Variants in AGBL4 observed in about 807,000 individuals in gnomAD.
The protein encoded by AGBL4 is cytosolic carboxypeptidase 6.
Under a neutral mutation model 66.4 loss-of-function variants are expected in AGBL4, and 58 were observed. The ratio of observed to expected loss-of-function variants is 0.87; its 90% CI spans 0.71 to 1.09. AGBL4 has a LOEUF of 1.09. Ranked by LOEUF, AGBL4 falls within the 50% of genes least tolerant of loss-of-function variation. The pLI is 0.00. For missense variants in AGBL4, 579 were observed against 631.0 expected (o/e 0.92, Z 0.88); for synonymous variants, 234 against 222.9 (o/e 1.05, Z -0.44).
chr1:49,860,126 T>C (rs1646531746), intron 1 of AGBL4, among the ~76,000 whole-genome samples: 1 of 152,174 alleles, frequency 6.6e-6, no homozygotes, highest in Non-Finnish European at 1.5e-5. Flanking sequence ...AATGTCAAAA[T>C]GTCAATTCTC....
At chr1:48,722,914 T>C (rs1278416877) in intron 6 of AGBL4, among the ~76,000 whole-genome samples, 2 of 152,204 alleles carry the variant, frequency 1.3e-5, no homozygotes, top group African/African-American at 4.8e-5. Context: ...ATGCCTAGAA[T>C]ACTTTACTCA....
At chr1:49,514,751 A>C (rs1649619359) in intron 3 of AGBL4, among the ~76,000 whole-genome samples, 2 of 152,124 alleles carry the variant, frequency 1.3e-5, no homozygotes, top group Non-Finnish European at 2.9e-5. Context: ...CAACCATCTG[A>C]TCTTTGACAA....
chr1:49,205,949 G>A (rs773453191), intron 4 of AGBL4, among the ~76,000 whole-genome samples: 1 of 152,066 alleles, frequency 6.6e-6, no homozygotes, highest in African/African-American at 2.4e-5. Context: ...TCTTTGCTCT[G>A]ATTTAGCCAT....
chr1:49,442,714 C>CTATTT (rs1302280458), intron 3 of AGBL4, among the ~76,000 whole-genome samples: 5 of 152,308 alleles, frequency 3.3e-5, no homozygotes, highest in African/African-American at 1.2e-4. Flanking sequence ...CTGCAATAAA[C>CTATTT]ATGTGAGTGT....
intron 3 of AGBL4, among the ~76,000 whole-genome samples, chr1:49,263,848 A>G (rs1205173261): frequency 6.6e-6 from 1 of 152,186 alleles, no homozygotes; most frequent in Non-Finnish European, 1.5e-5. Context: ...TCACTGTATC[A>G]GTATTCATTT....
At chr1:49,950,336 T>A (rs981684294) in intron 1 of AGBL4, among the ~76,000 whole-genome samples, 75 of 151,226 alleles carry the variant, frequency 5.0e-4, no homozygotes, top group Admixed American at 4.0e-4. Context: ...TCACTCATAA[T>A]TGGGAGCTAA....
chr1:49,475,378 A>G (rs1646826645), intron 3 of AGBL4, among the ~76,000 whole-genome samples: 1 of 151,770 alleles, frequency 6.6e-6, no homozygotes, highest in African/African-American at 2.4e-5. Context: ...TTCATCAGGG[A>G]TATTGGCCTG....
At chr1:48,820,681 C>A (rs965516734) in intron 6 of AGBL4, among the ~76,000 whole-genome samples, 1 of 152,140 alleles carries the variant, frequency 6.6e-6, no homozygotes, top group Non-Finnish European at 1.5e-5. Context: ...AGCCTGTCAA[C>A]CTTTGGACTG....
At chr1:49,890,893 C>G (rs946324522) in intron 1 of AGBL4, among the ~76,000 whole-genome samples, 1 of 152,038 alleles carries the variant, frequency 6.6e-6, no homozygotes, top group Non-Finnish European at 1.5e-5. Flanking sequence ...ATTGTTTAGT[C>G]AATTAAATTT....
At chr1:48,608,452 G>A (rs971132796) in intron 9 of AGBL4, among the ~76,000 whole-genome samples, 4 of 152,148 alleles carry the variant, frequency 2.6e-5, no homozygotes, top group Admixed American at 2.0e-4. Context: ...TGGTGGAGAG[G>A]AGATTGCATG....
chr1:49,565,978 T>C (rs1435343469), intron 3 of AGBL4, among the ~76,000 whole-genome samples: 1 of 152,216 alleles, frequency 6.6e-6, no homozygotes, highest in East Asian at 1.9e-4. Flanking sequence ...AGTCCCATAT[T>C]TCTTGGAGGC....
chr1:49,607,478 C>T (rs1422171641), intron 3 of AGBL4, among the ~76,000 whole-genome samples: 1 of 152,082 alleles, frequency 6.6e-6, no homozygotes, highest in Non-Finnish European at 1.5e-5. Context: ...ACACCATTCT[C>T]TTTATCTGGA....
chr1:48,752,837 C>A (rs1294529255), intron 6 of AGBL4, among the ~76,000 whole-genome samples: 2 of 152,112 alleles, frequency 1.3e-5, no homozygotes, highest in Non-Finnish European at 2.9e-5. Context: ...GCAACCTCTG[C>A]TTCCCGGGTT....
Position 49,570,722 on chromosome 1 carries a change from T to C in AGBL4, c.282+126591A>G, listed in dbSNP as rs1010479589. On this transcript the variant is annotated intron_variant, in intron 3 of 13. Coordinates refer to ENST00000371839, the MANE Select transcript of AGBL4 (RefSeq NM_032785.4). ...TCTAGTATTTTTATAGATTCATGTC[T>C]TACATTTAAGCATTTAATTCATCTT... 9.2e-5 allele frequency among the ~76,000 whole-genome samples: 14 copies of C among 152,258 alleles called. No individual in the cohort carries two copies. The East Asian group carries it at 2.5e-3, about 27-fold the overall frequency.
intron 3 of AGBL4, among the ~76,000 whole-genome samples, chr1:49,486,066 C>G (rs1647059552): frequency 6.6e-6 from 1 of 151,956 alleles, no homozygotes; most frequent in African/African-American, 2.4e-5. Context: ...ATGCTCAAAG[C>G]TGACAATTGC....
chr1:49,045,723 A>G lies in AGBL4; in HGVS notation c.455T>C (p.Phe152Ser). Residue 152 changes from phenylalanine (F) to serine (S), a missense_variant, in exon 5 of 14, where the codon TTT becomes TCT. Transcript: ENST00000371839. ...AATATCTTCTTCTCGGTCAAAACAA[A>G]AGGCAAAGGACATCACATAGTTCTT... The part of the protein sequence containing the change: ...HRKNYVMSFA[F>S]CFDREEDIYQ... The G allele has an allele frequency of 6.4e-7, 1 of 1,552,536 alleles. No homozygotes were observed. The highest frequency in any genetic ancestry group is 8.7e-7 in the Non-Finnish European group (1 of 1,147,252).
intron 1 of AGBL4, among the ~76,000 whole-genome samples, chr1:49,864,449 T>C (rs965345444): frequency 4.6e-5 from 7 of 152,132 alleles, no homozygotes; most frequent in Non-Finnish European, 1.0e-4. Flanking sequence ...GGGAAACAGC[T>C]AGTGAATCCT....
chr1:49,784,155 G>A (rs1003594823), intron 2 of AGBL4, among the ~76,000 whole-genome samples: 4 of 151,902 alleles, frequency 2.6e-5, no homozygotes, highest in African/African-American at 9.7e-5. Context: ...GAAATGCAAG[G>A]GACTCAGAAC....
chr1:49,150,374 A>G (rs1557681664), intron 4 of AGBL4, among the ~76,000 whole-genome samples: 1 of 152,222 alleles, frequency 6.6e-6, no homozygotes, highest in African/African-American at 2.4e-5. Context: ...TTCTCACAAT[A>G]TAATATTACA....
Sources: gnomAD v4.1 joint callset for allele counts (sites outside exome capture counted in the v4.1 genomes callset) on GRCh38, gnomAD v4.1.1 for gene constraint, MANE v1.5 for transcripts, NCBI Gene and HGNC (gene_info 2026-07-23, HGNC 2026-07-21) for gene names.